PLXNA4: variants seen among roughly 807,000 people sequenced by gnomAD.
PLXNA4 encodes the protein plexin-A4.
A neutral mutation model predicts 191.8 loss-of-function variants in PLXNA4; 44 were observed. The ratio of observed to expected loss-of-function variants is 0.23; its 90% CI spans 0.18 to 0.29. PLXNA4 has a LOEUF of 0.29. Ranked by LOEUF, PLXNA4 falls within the 10% of genes least tolerant of loss-of-function variation. The pLI is 1.00. For missense variants in PLXNA4, 1,800 were observed against 2,488.8 expected, an observed-to-expected ratio of 0.72 and a Z score of 5.89; for synonymous variants, 1,082 against 1,009.5, an observed-to-expected ratio of 1.07 and a Z score of -1.36.
chr7:132,516,142 C>G (rs1190108802), intron 1 of PLXNA4, among the ~76,000 whole-genome samples: 1 of 152,186 alleles, frequency 6.6e-6, no homozygotes, highest in African/African-American at 2.4e-5. Flanking sequence ...TCAATTCAAA[C>G]AGGGACCAAC....
At chr7:132,263,841 T>C (rs1015378657) in intron 4 of PLXNA4, among the ~76,000 whole-genome samples, 11 of 152,202 alleles carry the variant, frequency 7.2e-5, no homozygotes, top group African/African-American at 2.7e-4. Flanking sequence ...AGAGATTGTG[T>C]GGAAAATCGC....
intron 3 of PLXNA4, chr7:132,485,109 T>G: frequency 6.5e-7 from 1 of 1,531,308 alleles, no homozygotes. Context: ...ATAAGAATGG[T>G]TTTTGTACTA....
intron 2 of PLXNA4, among the ~76,000 whole-genome samples, chr7:132,587,450 G>A (rs1009595264): frequency 6.6e-6 from 1 of 152,182 alleles, no homozygotes; most frequent in Admixed American, 6.5e-5. Context: ...CCATCACTTC[G>A]TGTGGTCAGG....
At position 132,127,897 on chromosome 7, in the gene PLXNA4, TC is replaced by T. The variant is rs1794815711; in HGVS notation, c.*2581del. ...ACCGCCAAAGTAACAATAACAATAA[TC>T]ATCATCCAGTAAAAAATAAAAGCTT... On this transcript the variant is annotated 3_prime_UTR_variant, in exon 32 of 32. Transcript: ENST00000321063. 1.9e-4 allele frequency: 1 copy of T among 5,366 alleles called. No homozygotes were observed. The highest frequency in any genetic ancestry group is 2.8e-4 in the African/African-American group (1 of 3,614). 0.3% of individuals were successfully genotyped at this position (5,366 alleles called of 1,614,324 possible). A position where few individuals can be genotyped will look rare whatever the true frequency, so the allele number is the denominator to read the frequency against.
chr7:132,288,204 A>C (rs1325456135), intron 4 of PLXNA4, among the ~76,000 whole-genome samples: 1 of 152,150 alleles, frequency 6.6e-6, no homozygotes, highest in Admixed American at 6.5e-5. Flanking sequence ...ACTGATCACA[A>C]AGTGCAGTAG....
At chr7:132,527,940 A>G (rs1227304758) in intron 1 of PLXNA4, among the ~76,000 whole-genome samples, 1 of 152,226 alleles carries the variant, frequency 6.6e-6, no homozygotes, top group Non-Finnish European at 1.5e-5. Flanking sequence ...TTTAGTAACA[A>G]TCAAGACATC....
intron 30 of PLXNA4, among the ~76,000 whole-genome samples, chr7:132,139,937 G>A (rs572653894): frequency 2.1e-4 from 32 of 152,364 alleles, no homozygotes; most frequent in Admixed American, 1.6e-3. Flanking sequence ...GTATGGAGCT[G>A]ATGTGGCTCA....
At chr7:132,486,527 A>G (rs1033934475) in intron 3 of PLXNA4, among the ~76,000 whole-genome samples, 2 of 152,196 alleles carry the variant, frequency 1.3e-5, no homozygotes, top group Non-Finnish European at 2.9e-5. Context: ...GAGCAAAACC[A>G]TTAAAAGGCT....
At chr7:132,229,735 G>A (rs1385747436) in intron 5 of PLXNA4, among the ~76,000 whole-genome samples, 2 of 152,080 alleles carry the variant, frequency 1.3e-5, no homozygotes, top group African/African-American at 2.4e-5. Flanking sequence ...AATCTACATG[G>A]GGAGGGAGCC....
intron 16 of PLXNA4, among the ~76,000 whole-genome samples, chr7:132,182,437 C>G (rs1005565690): frequency 3.9e-5 from 6 of 152,022 alleles, no homozygotes; most frequent in African/African-American, 1.4e-4. Context: ...AGTATGGACC[C>G]CCGTGGAGGC....
intron 26 of PLXNA4, among the ~76,000 whole-genome samples, chr7:132,148,222 A>G (rs1314049840): frequency 6.6e-6 from 1 of 152,100 alleles, no homozygotes; most frequent in South Asian, 2.1e-4. Flanking sequence ...TTCTGGCAAG[A>G]GCTCCTCCCT....
At chr7:132,542,344 G>A (rs1220729536) in intron 1 of PLXNA4, among the ~76,000 whole-genome samples, 2 of 152,186 alleles carry the variant, frequency 1.3e-5, no homozygotes, top group African/African-American at 4.8e-5. Context: ...GGTAACATCT[G>A]GACAGATGAA....
intron 1 of PLXNA4, among the ~76,000 whole-genome samples, chr7:132,562,349 C>A (rs2116661586): frequency 1.0e-5 from 1 of 98,464 alleles, no homozygotes. Context: ...TCCTTCTTCT[C>A]CTTCCTCCTC....
At chr7:132,276,866 G>A (rs1394266024) in intron 4 of PLXNA4, among the ~76,000 whole-genome samples, 1 of 152,068 alleles carries the variant, frequency 6.6e-6, no homozygotes, top group Non-Finnish European at 1.5e-5. Flanking sequence ...TGTTGGGGGT[G>A]GGCTCTGTTT....
intron 3 of PLXNA4, among the ~76,000 whole-genome samples, chr7:132,301,611 C>G (rs1425762565): frequency 6.6e-6 from 1 of 152,184 alleles, no homozygotes; most frequent in Non-Finnish European, 1.5e-5. Flanking sequence ...ACCAAAGGCT[C>G]ACACTGAATC....
intron 3 of PLXNA4, among the ~76,000 whole-genome samples, chr7:132,329,075 A>G (rs1802487159): frequency 6.6e-6 from 1 of 152,188 alleles, no homozygotes; most frequent in African/African-American, 2.4e-5. Flanking sequence ...CAGACCCTCT[A>G]AGGGTGGAGC....
At chr7:132,311,351 C>T (rs1190659184) in intron 3 of PLXNA4, among the ~76,000 whole-genome samples, 1 of 152,068 alleles carries the variant, frequency 6.6e-6, no homozygotes, top group Non-Finnish European at 1.5e-5. Context: ...TTCCTGCACA[C>T]CTTGCTTGTG....
intron 3 of PLXNA4, among the ~76,000 whole-genome samples, chr7:132,471,365 T>G (rs1182395074): frequency 6.6e-6 from 1 of 152,176 alleles, no homozygotes; most frequent in Non-Finnish European, 1.5e-5. Context: ...GTGTGTTGTG[T>G]GAAGTTGGTA....
chr7:132,545,369 G>A (rs1800257003), intron 1 of PLXNA4, among the ~76,000 whole-genome samples: 1 of 152,192 alleles, frequency 6.6e-6, no homozygotes, highest in Non-Finnish European at 1.5e-5. Flanking sequence ...AGCTCCCTGT[G>A]GGTTGGGCCA....
Sources: gnomAD v4.1 joint callset for allele counts (sites outside exome capture counted in the v4.1 genomes callset) on GRCh38, gnomAD v4.1.1 for gene constraint, MANE v1.5 for transcripts, NCBI Gene and HGNC (gene_info 2026-07-23, HGNC 2026-07-21) for gene names.